ALG14: variants seen among roughly 807,000 people sequenced by gnomAD.
The protein encoded by ALG14 is UDP-N-acetylglucosamine transferase subunit ALG14.
ALG14 carries 17 observed loss-of-function variants against 22.8 expected under a neutral mutation model. The observed-to-expected ratio is 0.75, with a 90% CI of 0.51 to 1.12. ALG14 has a LOEUF of 1.12. Ranked by LOEUF, ALG14 falls within the 50% of genes most tolerant of loss-of-function variation. The pLI, the probability that ALG14 is intolerant of heterozygous loss-of-function variation, is 0.00. For missense variants in ALG14, 288 were observed against 271.8 expected (o/e 1.06, Z -0.42); for synonymous variants, 89 against 103.7 (o/e 0.86, Z 0.86).
At chr1:95,025,051 T>G (rs1557959360) in intron 3 of ALG14, among the ~76,000 whole-genome samples, 1 of 152,182 alleles carries the variant, frequency 6.6e-6, no homozygotes, top group East Asian at 1.9e-4. Flanking sequence ...CTTACAAATG[T>G]TTTCTTAAAT....
At chr1:95,018,640 C>T (rs1673574435) in intron 3 of ALG14, among the ~76,000 whole-genome samples, 1 of 151,778 alleles carries the variant, frequency 6.6e-6, no homozygotes, top group African/African-American at 2.4e-5. Context: ...TGAAAGTTTG[C>T]CTTATATAAG....
intron 2 of ALG14, among the ~76,000 whole-genome samples, chr1:95,051,226 C>T (rs958445119): frequency 4.6e-4 from 2 of 4,364 alleles, no homozygotes; most frequent in Non-Finnish European, 0.029. Flanking sequence ...CTCTAACCTT[C>T]TCTGTGTTAA....
At chr1:95,014,010 G>C (rs1673438797) in intron 3 of ALG14, among the ~76,000 whole-genome samples, 1 of 150,200 alleles carries the variant, frequency 6.7e-6, no homozygotes, top group South Asian at 2.1e-4. Context: ...TGAAGCAATG[G>C]TCTATAGTTT....
At chr1:95,000,777 T>TAAAAAAAAAAAAAAAAAAA (rs56810994) in intron 3 of ALG14, among the ~76,000 whole-genome samples, 1 of 65,232 alleles carries the variant, frequency 1.5e-5, no homozygotes, top group Non-Finnish European at 3.1e-5. Context: ...TATGCCACAC[T>TAAAAAAAAAAAAAAAAAAA]AAAAAAAAAA....
Position 94,980,052 on chromosome 1 carries a change from C to T in ALG14, c.*3024G>A, listed in dbSNP as rs1356109806. 1.2e-5 allele frequency: 1 copy of T among 86,570 alleles called. No homozygotes were observed. Among genetic ancestry groups the T allele is most frequent in the African/African-American group, 7.1e-5 (1 of 13,990 alleles). The allele number at this position is 86,570 out of a possible 1,614,324, so 5.4% of individuals were successfully genotyped here. ...ATCAAATGCCTTTTGGGGGATGGGG[C>T]TTTTCAGAAAAAAAAAAAAGCACTC... On this transcript the variant is annotated 3_prime_UTR_variant, in exon 4 of 4. Coordinates refer to ENST00000370205, the MANE Select transcript of ALG14 (RefSeq NM_144988.4).
At chr1:95,044,433 C>T (rs181411069) in intron 2 of ALG14, among the ~76,000 whole-genome samples, 61 of 152,264 alleles carry the variant, frequency 4.0e-4, no homozygotes, top group Non-Finnish European at 6.8e-4. Context: ...TTGCCCACTC[C>T]TCCCATCTCC....
At chr1:95,026,334 A>G (rs936366864) in intron 3 of ALG14, among the ~76,000 whole-genome samples, 3 of 152,174 alleles carry the variant, frequency 2.0e-5, no homozygotes, top group Admixed American at 6.5e-5. Context: ...AATCATTTCT[A>G]GCTTGTGATT....
intron 3 of ALG14, among the ~76,000 whole-genome samples, chr1:95,026,804 T>C (rs1032955373): frequency 1.5e-4 from 23 of 152,084 alleles, no homozygotes; most frequent in African/African-American, 5.1e-4. Context: ...TGGCATGCAC[T>C]TGTAGTCCCA....
rs1299905887 is a variant in ALG14 at position 94,979,855 on chromosome 1, AAG to A, written c.*3219_*3220del. The A allele has an allele frequency of 6.6e-6, 1 of 152,178 alleles. No individual in the cohort carries two copies. Among genetic ancestry groups the A allele is most frequent in the Non-Finnish European group, 1.5e-5 (1 of 68,046 alleles). 9.4% of individuals were successfully genotyped at this position (152,178 alleles called of 1,614,324 possible). A position where few individuals can be genotyped will look rare whatever the true frequency, so the allele number is the denominator to read the frequency against. On this transcript the variant is annotated 3_prime_UTR_variant, in exon 4 of 4. Coordinates refer to ENST00000370205, the MANE Select transcript of ALG14 (RefSeq NM_144988.4). Reference sequence around the variant, plus strand: ...GTGCTAGAGGGATGGGCCCTAACAAAAGAATGTTGAAGGCGGACAAGATTTGG... The same window carrying A: ...GTGCTAGAGGGATGGGCCCTAACAAAAATGTTGAAGGCGGACAAGATTTGG...
chr1:95,028,425 C>T (rs1444303867), intron 2 of ALG14, among the ~76,000 whole-genome samples: 1 of 152,198 alleles, frequency 6.6e-6, no homozygotes, highest in Non-Finnish European at 1.5e-5. Context: ...TCCTGAACTT[C>T]TGGGCTCAAG....
chr1:95,047,215 G>C (rs965068954), intron 2 of ALG14, among the ~76,000 whole-genome samples: 3 of 152,012 alleles, frequency 2.0e-5, no homozygotes, highest in Non-Finnish European at 4.4e-5. Flanking sequence ...TTCATACTTT[G>C]TTATATGTAT....
intron 1 of ALG14, among the ~76,000 whole-genome samples, 200 bp from the exon 2 acceptor site, chr1:95,065,217 A>C (rs182657461): frequency 1.3e-5 from 2 of 152,218 alleles, no homozygotes; most frequent in Non-Finnish European, 2.9e-5. Flanking sequence ...AAAAGCAGAT[A>C]ATACATGTAT....
rs1039660999 is a variant in ALG14 at position 95,027,324 on chromosome 1, CAATT to C, written c.289-68_289-65del. On this transcript the variant is annotated intron_variant, in intron 2 of 3. Coordinates refer to ENST00000370205, the MANE Select transcript of ALG14 (RefSeq NM_144988.4). ...CTGATATCAAAGTTAAACATAGTAA[CAATT>C]AACAGCTGTAGAAACAGAAATGCTT... 4.6e-5 allele frequency: 71 copies of C among 1,549,842 alleles called. No individual in the cohort carries two copies. The African/African-American group carries it at 5.5e-4, about 12-fold the overall frequency.
chr1:95,045,818 T>C (rs1674530179), intron 2 of ALG14, among the ~76,000 whole-genome samples: 1 of 149,124 alleles, frequency 6.7e-6, no homozygotes, highest in African/African-American at 2.4e-5. Context: ...GGCATACTAA[T>C]AGAATTAATA....
At chr1:95,009,163 T>A (rs536233939) in intron 3 of ALG14, among the ~76,000 whole-genome samples, 1 of 151,932 alleles carries the variant, frequency 6.6e-6, no homozygotes, top group Admixed American at 6.6e-5. Context: ...TTTGAGTATA[T>A]GCCTAGGAGT....
intron 2 of ALG14, among the ~76,000 whole-genome samples, chr1:95,054,509 T>A (rs1161189781): frequency 1.3e-5 from 2 of 152,190 alleles, no homozygotes; most frequent in African/African-American, 4.8e-5. Flanking sequence ...TCTCTTCTTT[T>A]TAAATTACCC....
At chr1:95,033,096 T>C (rs548779842) in intron 2 of ALG14, among the ~76,000 whole-genome samples, 3 of 152,256 alleles carry the variant, frequency 2.0e-5, no homozygotes, top group South Asian at 2.1e-4. Flanking sequence ...GGCATCTTTA[T>C]AGACGTTGTT....
In ALG14 at chr1:94,981,390, G is replaced by C. The variant is rs140170217; in HGVS notation, c.*1686C>G. ...CACATTTCTCCAGCCAAAAACCTAG[G>C]AAGATGTCCGGCTGACAGATGCGCC... On this transcript the variant is annotated 3_prime_UTR_variant, in exon 4 of 4. Coordinates refer to ENST00000370205, the MANE Select transcript of ALG14 (RefSeq NM_144988.4). 1 of 150,940 alleles carries C rather than the reference G, an allele frequency of 6.6e-6. No homozygotes were observed. Among genetic ancestry groups the C allele is most frequent in the African/African-American group, 2.4e-5 (1 of 40,998 alleles). The allele number at this position is 150,940 out of a possible 1,614,324, so 9.4% of individuals were successfully genotyped here. A position where few individuals can be genotyped will look rare whatever the true frequency, so the allele number is the denominator to read the frequency against.
intron 3 of ALG14, among the ~76,000 whole-genome samples, chr1:95,007,117 T>C (rs1673240739): frequency 6.6e-6 from 1 of 152,232 alleles, no homozygotes; most frequent in Non-Finnish European, 1.5e-5. Context: ...ATCACCGTAC[T>C]GCCAGTATTG....
Sources: gnomAD v4.1 joint callset for allele counts (sites outside exome capture counted in the v4.1 genomes callset) on GRCh38, gnomAD v4.1.1 for gene constraint, MANE v1.5 for transcripts, NCBI Gene and HGNC (gene_info 2026-07-23, HGNC 2026-07-21) for gene names.